NCKAP5: variants seen among roughly 807,000 people sequenced by gnomAD.
NCKAP5 encodes NCK associated protein 5, also known as nck-associated protein 5.
Under a neutral mutation model 167.0 loss-of-function variants are expected in NCKAP5, and 92 were observed. That is an observed-to-expected ratio of 0.55 (90% CI 0.47 to 0.66). The LOEUF (loss-of-function observed/expected upper bound fraction) is 0.66, where lower values mean the gene tolerates loss of function less well. Ranked by LOEUF, NCKAP5 falls within the 30% of genes least tolerant of loss-of-function variation. NCKAP5 has a pLI of 0.00. For missense variants in NCKAP5, 2,378 were observed against 2,315.0 expected, an observed-to-expected ratio of 1.03 and a Z score of -0.56; for synonymous variants, 891 against 877.4, an observed-to-expected ratio of 1.02 and a Z score of -0.27.
chr2:133,329,256 C>T (rs1041490175), intron 3 of NCKAP5, among the ~76,000 whole-genome samples: 4 of 152,104 alleles, frequency 2.6e-5, no homozygotes, highest in African/African-American at 9.7e-5. Context: ...AGTCCACAGG[C>T]CTGTGGAGGG....
chr2:132,800,718 A>G (rs1296336599), intron 11 of NCKAP5, among the ~76,000 whole-genome samples: 2 of 152,086 alleles, frequency 1.3e-5, no homozygotes, highest in Non-Finnish European at 2.9e-5. Context: ...CTGTAAAGTC[A>G]TCTATCCTCT....
Position 133,130,079 on chromosome 2 carries a change from C to A in NCKAP5, c.240G>T (p.Glu80Asp). 1 of 1,611,654 alleles carries A rather than the reference C, an allele frequency of 6.2e-7. No homozygotes were observed. The highest frequency in any genetic ancestry group is 8.5e-7 in the Non-Finnish European group (1 of 1,179,132). ...TCTCGCTTTGAAGACGTAAGTGTCTCTCCTCTTCCAGTTCATGTATCAGCT... is the reference window on the plus strand; with the variant it reads ...TCTCGCTTTGAAGACGTAAGTGTCTATCCTCTTCCAGTTCATGTATCAGCT... ...HEKLIHELEE[E>D]RHLRLQSEKR... is the part of the protein sequence containing the mutation. The change falls in exon 6 of 20, where the codon GAG becomes GAT. Residue 80 changes from glutamate (E) to aspartate (D), a missense_variant. Coordinates refer to ENST00000409261, the MANE Select transcript of NCKAP5 (RefSeq NM_207363.3).
At chr2:132,733,929 T>C (rs1301189706) in intron 16 of NCKAP5, among the ~76,000 whole-genome samples, 1 of 152,208 alleles carries the variant, frequency 6.6e-6, no homozygotes, top group Non-Finnish European at 1.5e-5. Flanking sequence ...CACAGGGATA[T>C]TTAGTAGGAA....
At chr2:133,379,497 T>C (rs1021235319) in intron 3 of NCKAP5, among the ~76,000 whole-genome samples, 3 of 152,206 alleles carry the variant, frequency 2.0e-5, no homozygotes, top group Non-Finnish European at 4.4e-5. Flanking sequence ...TTTCTTGTTT[T>C]CCTTAAAAAT....
chr2:133,256,961 C>A lies in NCKAP5; in HGVS notation c.144-43182G>T, dbSNP rs142678092. Among the ~76,000 whole-genome samples, 155 of 152,282 alleles carry A rather than the reference C, an allele frequency of 1.0e-3. 1 individual carries two copies. The East Asian group carries it at 0.026, about 25-fold the overall frequency. On this transcript the variant is annotated intron_variant, in intron 4 of 19. Transcript: ENST00000409261. Reference sequence around the variant, plus strand: ...CATCATAATTTTCCCTACTTACCCTCTACAGACTGTAGGACCTACGCGCGC... The same window carrying A: ...CATCATAATTTTCCCTACTTACCCTATACAGACTGTAGGACCTACGCGCGC...
At chr2:133,468,801 A>C (rs899777342) in intron 3 of NCKAP5, among the ~76,000 whole-genome samples, 1 of 152,048 alleles carries the variant, frequency 6.6e-6, no homozygotes, top group Non-Finnish European at 1.5e-5. Flanking sequence ...TGTTGGTTTA[A>C]AGTCTGTTTT....
intron 3 of NCKAP5, among the ~76,000 whole-genome samples, chr2:133,364,615 AG>A (rs1559419327): frequency 1.3e-5 from 2 of 152,190 alleles, no homozygotes; most frequent in African/African-American, 4.8e-5. Flanking sequence ...TACTTTGTAC[AG>A]TGACTCTCAA....
chr2:133,002,968 C>CATAG (rs2077838646), intron 6 of NCKAP5, among the ~76,000 whole-genome samples: 2 of 152,210 alleles, frequency 1.3e-5, no homozygotes, highest in Admixed American at 1.3e-4. Context: ...GCTATGTCTT[C>CATAG]ACATGCAGCT....
intron 4 of NCKAP5, among the ~76,000 whole-genome samples, chr2:133,253,338 T>A (rs1415889468): frequency 6.6e-6 from 1 of 152,258 alleles, no homozygotes; most frequent in East Asian, 1.9e-4. Context: ...CAAACACTGA[T>A]GATAAGCTTA....
intron 6 of NCKAP5, among the ~76,000 whole-genome samples, chr2:133,027,214 C>T (rs749904030): frequency 6.6e-6 from 1 of 152,156 alleles, no homozygotes; most frequent in African/African-American, 2.4e-5. Context: ...ATGGTTCTAA[C>T]GCAGACAGGT....
intron 3 of NCKAP5, among the ~76,000 whole-genome samples, chr2:133,479,325 G>A (rs1194385647): frequency 1.3e-5 from 2 of 152,172 alleles, no homozygotes; most frequent in Non-Finnish European, 2.9e-5. Context: ...AATTTATAAG[G>A]TGATTACTGT....
At chr2:132,926,652 C>T (rs1168882236) in intron 8 of NCKAP5, among the ~76,000 whole-genome samples, 1 of 151,800 alleles carries the variant, frequency 6.6e-6, no homozygotes, top group Non-Finnish European at 1.5e-5. Flanking sequence ...TTTTTCATTG[C>T]TTTTGGCCAT....
chr2:133,003,143 G>A (rs144920806), intron 6 of NCKAP5, among the ~76,000 whole-genome samples: 64 of 152,154 alleles, frequency 4.2e-4, no homozygotes, highest in African/African-American at 1.0e-3. Context: ...TACCACTGTC[G>A]GCTCCTGGCA....
intron 5 of NCKAP5, among the ~76,000 whole-genome samples, chr2:133,147,085 T>C (rs989035510): frequency 5.3e-5 from 8 of 152,150 alleles, no homozygotes; most frequent in African/African-American, 1.7e-4. Context: ...TGATCCAAGA[T>C]AGCACTTCTA....
intron 5 of NCKAP5, among the ~76,000 whole-genome samples, chr2:133,204,211 G>C (rs1353651325): frequency 1.3e-5 from 2 of 151,888 alleles, no homozygotes; most frequent in African/African-American, 4.8e-5. Context: ...TTTAATTTCA[G>C]CATTTTTATT....
intron 8 of NCKAP5, among the ~76,000 whole-genome samples, chr2:132,928,421 T>C (rs147343586): frequency 6.6e-6 from 1 of 152,292 alleles, no homozygotes; most frequent in African/African-American, 2.4e-5. Flanking sequence ...AAAGACATGG[T>C]TTGTGTCTTT....
chr2:133,051,928 T>C (rs183877071), intron 6 of NCKAP5, among the ~76,000 whole-genome samples: 2 of 152,182 alleles, frequency 1.3e-5, no homozygotes, highest in Non-Finnish European at 2.9e-5. Context: ...AGAGATTAAA[T>C]GAAATCTCCA....
intron 6 of NCKAP5, among the ~76,000 whole-genome samples, chr2:133,093,945 T>C (rs6722091): frequency 0.51 from 77,179 of 151,944 alleles, 20,827 homozygotes; most frequent in East Asian, 0.96. Flanking sequence ...TCCTGGAAGG[T>C]CCCTACCACT....
chr2:133,334,154 G>C (rs1683058807), intron 3 of NCKAP5, among the ~76,000 whole-genome samples: 1 of 152,178 alleles, frequency 6.6e-6, no homozygotes, highest in African/African-American at 2.4e-5. Flanking sequence ...GCCTGGCTCT[G>C]TGACTTAATG....
Sources: gnomAD v4.1 joint callset for allele counts (sites outside exome capture counted in the v4.1 genomes callset) on GRCh38, gnomAD v4.1.1 for gene constraint, MANE v1.5 for transcripts, NCBI Gene and HGNC (gene_info 2026-07-23, HGNC 2026-07-21) for gene names.